The following COL4A5 variants were observed in gnomAD, a reference collection of about 807,000 sequenced individuals.
The protein encoded by COL4A5 is collagen type IV alpha 5 chain.
In COL4A5, 26 loss-of-function variants were observed where a neutral mutation model predicts 130.2. The observed-to-expected ratio is 0.20, with a 90% CI of 0.15 to 0.28. The LOEUF is 0.28. Among genes scored for constraint, COL4A5 ranks in the 10% least tolerant of loss-of-function variants. The pLI is 1.00. For synonymous variants in COL4A5, 496 were observed against 439.6 expected (o/e 1.13, Z -1.60); for missense variants, 1,131 against 1,344.3 (o/e 0.84, Z 2.48).
chrX:108,673,420 G>A (rs1395026057), intron 42 of COL4A5, among the ~76,000 whole-genome samples: 1 of 111,497 alleles, frequency 9.0e-6, no homozygotes, highest in African/African-American at 3.3e-5. Flanking sequence ...TGTAAGAAAA[G>A]AAAATTGTGT....
intron 29 of COL4A5, among the ~76,000 whole-genome samples, chrX:108,608,852 T>G (rs898831950): frequency 2.7e-5 from 3 of 111,786 alleles, no homozygotes; most frequent in African/African-American, 9.8e-5. Flanking sequence ...TTTTTCATCA[T>G]AAGTTATTTC....
At chrX:108,617,400 A>G (rs2066949117) in intron 30 of COL4A5, among the ~76,000 whole-genome samples, 1 of 111,351 alleles carries the variant, frequency 9.0e-6, no homozygotes, top group Admixed American at 9.6e-5. Flanking sequence ...TTATCTCTCT[A>G]CTGTAGAATG....
At chrX:108,667,712 CT>C (rs2068113035) in intron 40 of COL4A5, among the ~76,000 whole-genome samples, 3 of 110,283 alleles carry the variant, frequency 2.7e-5, no homozygotes, top group African/African-American at 9.9e-5. Flanking sequence ...TTTATGGAGA[CT>C]TTTCTCAAAC....
intron 1 of COL4A5, among the ~76,000 whole-genome samples, chrX:108,526,555 C>G (rs1375705715): frequency 1.0e-5 from 1 of 98,176 alleles, no homozygotes; most frequent in Non-Finnish European, 2.1e-5. Flanking sequence ...TTCCTTCCTT[C>G]CCTCCCTCCT....
At position 108,666,476 on chromosome X, in the gene COL4A5, T is replaced by C. The variant is rs1341147799; in HGVS notation, c.3455-20T>C. On this transcript the variant is annotated intron_variant, in intron 38 of 52. Transcript: ENST00000328300. Reference sequence around the variant, plus strand: ...GGAAATTGGAAAACTGGGTGTAACCTGCTGTACTCAATTTTTTAGGTGGTG... The same window carrying C: ...GGAAATTGGAAAACTGGGTGTAACCCGCTGTACTCAATTTTTTAGGTGGTG... The C allele has an allele frequency of 8.6e-7, 1 of 1,165,327 alleles. No individual in the cohort carries two copies. The highest frequency in any genetic ancestry group is 1.2e-6 in the Non-Finnish European group (1 of 858,937).
intron 28 of COL4A5, among the ~76,000 whole-genome samples, chrX:108,605,072 T>C (rs1174138287): frequency 8.9e-6 from 1 of 112,400 alleles, no homozygotes; most frequent in Non-Finnish European, 1.9e-5. Flanking sequence ...TGTTTTACTT[T>C]CTTCTCATTC....
intron 1 of COL4A5, among the ~76,000 whole-genome samples, chrX:108,448,563 C>T (rs1484802919): frequency 9.0e-6 from 1 of 111,481 alleles, no homozygotes; most frequent in Non-Finnish European, 1.9e-5. Context: ...TCTGTGTTTA[C>T]AAGCCCTCCA....
At chrX:108,611,539 C>T in intron 29 of COL4A5, among the ~76,000 whole-genome samples, 1 of 111,349 alleles carries the variant, frequency 9.0e-6, no homozygotes, top group South Asian at 3.7e-4. Flanking sequence ...ACTGCATGCC[C>T]ATACATTTGA....
chrX:108,644,454 G>A (rs181848018), intron 36 of COL4A5, among the ~76,000 whole-genome samples: 2 of 111,743 alleles, frequency 1.8e-5, no homozygotes, highest in African/African-American at 6.5e-5. Flanking sequence ...AAAAGCCCAC[G>A]AACTTTCTCC....
chrX:108,474,307 C>A (rs1200491524), intron 1 of COL4A5, among the ~76,000 whole-genome samples: 1 of 111,255 alleles, frequency 9.0e-6, no homozygotes, highest in Non-Finnish European at 1.9e-5. Flanking sequence ...TATTTCATAT[C>A]ATATTTTACT....
At chrX:108,540,837 A>G (rs2065527626) in intron 2 of COL4A5, among the ~76,000 whole-genome samples, 1 of 112,450 alleles carries the variant, frequency 8.9e-6, no homozygotes, top group African/African-American at 3.2e-5. Flanking sequence ...ATATAGCATA[A>G]GCCTAATCAC....
At chrX:108,549,464 A>G (rs2065716799) in intron 2 of COL4A5, among the ~76,000 whole-genome samples, 1 of 112,022 alleles carries the variant, frequency 8.9e-6, no homozygotes, top group Non-Finnish European at 1.9e-5. Flanking sequence ...AATTCCTACT[A>G]TTTGGAATTT....
intron 1 of COL4A5, among the ~76,000 whole-genome samples, chrX:108,526,405 T>A (rs1239600049): frequency 9.0e-6 from 1 of 111,118 alleles, no homozygotes. Flanking sequence ...TCCACAGAGG[T>A]CCTCACACTG....
chrX:108,559,060 G>T lies in COL4A5; in HGVS notation c.142-4G>T, dbSNP rs780759600. 6 of 1,199,382 alleles carry T rather than the reference G, an allele frequency of 5.0e-6. No homozygotes were observed. The highest frequency in any genetic ancestry group is 6.8e-6 in the Non-Finnish European group (6 of 885,522). On this transcript the variant is annotated splice_polypyrimidine_tract_variant and splice_region_variant and intron_variant, in intron 2 of 52. Coordinates refer to ENST00000328300, the MANE Select transcript of COL4A5 (RefSeq NM_033380.3). The stretch of plus-strand genomic sequence containing the variant: ...CCTTACCTTTCATTCTCATTTAATT[G>T]CAGGGAGAGAGAGGGTTTCCAGGTT...
intron 38 of COL4A5, 21 bp from the exon 39 acceptor site, chrX:108,666,475 C>T: frequency 8.6e-7 from 1 of 1,161,819 alleles, no homozygotes; most frequent in East Asian, 3.1e-5. Context: ...TGGGTGTAAC[C>T]TGCTGTACTC....
chrX:108,529,798 A>T (rs188407157), intron 1 of COL4A5, among the ~76,000 whole-genome samples: 3 of 105,869 alleles, frequency 2.8e-5, no homozygotes, highest in Non-Finnish European at 5.9e-5. Flanking sequence ...AAGAACAGTT[A>T]AAAAAAAAAG....
At chrX:108,580,913 A>G in intron 15 of COL4A5, 70 bp from the exon 16 acceptor site, 3 of 1,081,403 alleles carry the variant, frequency 2.8e-6, no homozygotes, top group Middle Eastern at 4.9e-4. Flanking sequence ...AGCTTGTTAT[A>G]TTCTTTAACT....
intron 2 of COL4A5, among the ~76,000 whole-genome samples, chrX:108,542,667 C>G (rs1248310328): frequency 1.9e-5 from 2 of 104,672 alleles, no homozygotes; most frequent in Admixed American, 9.8e-5. Flanking sequence ...GTTCTATATC[C>G]TTGAGGAATC....
intron 1 of COL4A5, among the ~76,000 whole-genome samples, chrX:108,481,139 A>T (rs4829436): frequency 0.022 from 2,425 of 110,895 alleles, 63 homozygotes; most frequent in Admixed American, 0.11. Context: ...TCCATTAATT[A>T]CCTGACTTTC....
Sources: gnomAD v4.1 joint callset for allele counts (sites outside exome capture counted in the v4.1 genomes callset) on GRCh38, gnomAD v4.1.1 for gene constraint, MANE v1.5 for transcripts, NCBI Gene and HGNC (gene_info 2026-07-23, HGNC 2026-07-21) for gene names.